HMCES: variants seen among roughly 807,000 people sequenced by gnomAD.
HMCES encodes 5-hydroxymethylcytosine binding, ES cell specific, also known as abasic site processing protein HMCES.
A neutral mutation model predicts 35.1 loss-of-function variants in HMCES; 27 were observed. That is an observed-to-expected ratio of 0.77 (90% CI 0.57 to 1.06). The LOEUF (loss-of-function observed/expected upper bound fraction) is 1.06. Among genes scored for constraint, HMCES ranks in the 50% least tolerant of loss-of-function variants. The pLI is 0.00. For missense variants in HMCES, 391 were observed against 430.4 expected, an observed-to-expected ratio of 0.91 and a Z score of 0.81; for synonymous variants, 130 against 154.7, an observed-to-expected ratio of 0.84 and a Z score of 1.18.
intron 2 of HMCES, among the ~76,000 whole-genome samples, chr3:129,286,078 T>A (rs1423337637): frequency 6.6e-6 from 1 of 152,214 alleles, no homozygotes. Context: ...ACCTTGATCT[T>A]TCCTCTATAC....
In HMCES at chr3:129,305,958, C is replaced by G. The variant is rs935606372; in HGVS notation, c.*1133C>G. On this transcript the variant is annotated 3_prime_UTR_variant, in exon 7 of 7. Transcript: ENST00000383463. ...CTTTCCCGAGGTCCGCCCTCTCCGC[C>G]TTTTCTCTAAATTCCTCTTTTGAGT... 2 of 152,338 alleles carry G rather than the reference C, an allele frequency of 1.3e-5. No individual in the cohort carries two copies. Among genetic ancestry groups the G allele is most frequent in the African/African-American group, 2.4e-5 (1 of 41,480 alleles). 9.4% of individuals were successfully genotyped at this position (152,338 alleles called of 1,614,324 possible). A position where few individuals can be genotyped will look rare whatever the true frequency, so the allele number is the denominator to read the frequency against.
Position 129,302,242 on chromosome 3 carries a change from T to C in HMCES, c.828+100T>C. The C allele has an allele frequency of 2.9e-6, 3 of 1,052,070 alleles. No individual in the cohort carries two copies. In the South Asian group the frequency reaches 4.8e-5, roughly 17 times the overall value. 65.2% of individuals were successfully genotyped at this position (1,052,070 alleles called of 1,614,324 possible). On this transcript the variant is annotated intron_variant, in intron 6 of 6. Coordinates refer to ENST00000383463, the MANE Select transcript of HMCES (RefSeq NM_020187.3). ...GGCCTTTTATGATCAGCCCTTTAATTTGGACCATCAAAAGCTCTCATACTC... is the reference window on the plus strand; with the variant it reads ...GGCCTTTTATGATCAGCCCTTTAATCTGGACCATCAAAAGCTCTCATACTC...
At chr3:129,285,773 G>A (rs1481757373) in intron 2 of HMCES, among the ~76,000 whole-genome samples, 3 of 146,142 alleles carry the variant, frequency 2.1e-5, no homozygotes, top group Non-Finnish European at 4.5e-5. Flanking sequence ...TTCCATCAGA[G>A]TCATAGAGTG....
chr3:129,301,935 A>G lies in HMCES; in HGVS notation c.636-15A>G, dbSNP rs6765930. 0.79 allele frequency: 1,263,348 copies of G among 1,601,756 alleles called. 499,530 individuals carry two copies. Among genetic ancestry groups the G allele is most frequent in the African/African-American group, 0.9 (67,412 of 74,598 alleles). ...TGCTACCTCTCCCAACCATTGTCTTAACTTCCCTGGCCAGGATGCCTGCCA... is the reference window on the plus strand; with the variant it reads ...TGCTACCTCTCCCAACCATTGTCTTGACTTCCCTGGCCAGGATGCCTGCCA... On this transcript the variant is annotated splice_polypyrimidine_tract_variant and intron_variant, in intron 5 of 6. Coordinates refer to ENST00000383463, the MANE Select transcript of HMCES (RefSeq NM_020187.3).
At chr3:129,300,113 C>T (rs2071144340) in intron 5 of HMCES, among the ~76,000 whole-genome samples, 1 of 150,654 alleles carries the variant, frequency 6.6e-6, no homozygotes, top group Admixed American at 6.6e-5. Flanking sequence ...GCATTGCCTA[C>T]CATGTTTTGA....
chr3:129,285,446 A>C (rs1369264924), intron 2 of HMCES, among the ~76,000 whole-genome samples: 2 of 151,872 alleles, frequency 1.3e-5, no homozygotes, highest in East Asian at 3.9e-4. Flanking sequence ...CATAAGTAGC[A>C]GAGAAAGGAT....
chr3:129,305,017 G>T lies in HMCES; in HGVS notation c.*192G>T. 1.7e-6 allele frequency: 1 copy of T among 594,340 alleles called. No homozygotes were observed. Among genetic ancestry groups the T allele is most frequent in the Non-Finnish European group, 3.0e-6 (1 of 335,554 alleles). The allele number at this position is 594,340 out of a possible 1,614,324, so 36.8% of individuals were successfully genotyped here. ...GGGCTGGTGGACAGCTTTGGAAGAG[G>T]TGTCCTGCTGCTGTTACCAGCCATG... On this transcript the variant is annotated 3_prime_UTR_variant, in exon 7 of 7. Coordinates refer to ENST00000383463, the MANE Select transcript of HMCES (RefSeq NM_020187.3).
At chr3:129,303,451 C>A (rs1425106089) in intron 6 of HMCES, among the ~76,000 whole-genome samples, 1 of 152,164 alleles carries the variant, frequency 6.6e-6, no homozygotes, top group African/African-American at 2.4e-5. Flanking sequence ...AATTAGATAA[C>A]TCTAAAACTA....
chr3:129,278,978 G>C (rs1940367559), intron 1 of HMCES, 73 bp downstream of exon 1: 3 of 152,004 alleles, frequency 2.0e-5, no homozygotes, highest in Admixed American at 2.0e-4. Context: ...AGCGACGCGA[G>C]CTGACAGAGG....
chr3:129,285,517 A>T (rs888979005), intron 2 of HMCES, among the ~76,000 whole-genome samples: 19 of 151,790 alleles, frequency 1.3e-4, no homozygotes, highest in African/African-American at 4.6e-4. Flanking sequence ...AGTGGCACAA[A>T]CTCGGCTCAC....
At chr3:129,284,700 G>T (rs1053218107) in intron 2 of HMCES, among the ~76,000 whole-genome samples, 14 of 152,182 alleles carry the variant, frequency 9.2e-5, no homozygotes, top group African/African-American at 3.4e-4. Flanking sequence ...ATCACTTGAG[G>T]TCAGGAGTTC....
intron 2 of HMCES, among the ~76,000 whole-genome samples, chr3:129,288,082 C>T (rs968666371): frequency 4.7e-5 from 7 of 149,986 alleles, no homozygotes; most frequent in East Asian, 2.0e-4. Context: ...TAAAAAAATT[C>T]GAGACCTGCC....
intron 4 of HMCES, among the ~76,000 whole-genome samples, chr3:129,292,500 T>C (rs1263879017): frequency 1.3e-5 from 2 of 149,084 alleles, no homozygotes; most frequent in East Asian, 2.0e-4. Flanking sequence ...TTTTCTTCTT[T>C]TTTTTTTTTT....
chr3:129,302,137 A>G lies in HMCES; in HGVS notation c.823A>G (p.Lys275Glu). ...TCTGGCTCCTGTCGACTTGGTGGTC[A>G]AAAAGGTAGGGGCCTGTGACTGGTA... ...ECLAPVDLVVKKELRASGSSQ... is the reference protein window; with the variant it reads ...ECLAPVDLVVEKELRASGSSQ... The change falls in exon 6 of 7, where the codon AAA (lysine) becomes GAA (glutamate). Residue 275 changes from lysine to glutamate, a missense_variant. Coordinates refer to ENST00000383463, the MANE Select transcript of HMCES (RefSeq NM_020187.3). 1 of 1,611,018 alleles carries G rather than the reference A, an allele frequency of 6.2e-7. No individual in the cohort carries two copies.
intron 6 of HMCES, among the ~76,000 whole-genome samples, chr3:129,303,021 C>T (rs1409103926): frequency 1.3e-5 from 2 of 152,176 alleles, no homozygotes; most frequent in Admixed American, 6.5e-5. Flanking sequence ...TTCCGAACTA[C>T]AAGTTGCAGG....
chr3:129,286,381 T>C (rs1283073528), intron 2 of HMCES, among the ~76,000 whole-genome samples: 1 of 152,204 alleles, frequency 6.6e-6, no homozygotes, highest in Non-Finnish European at 1.5e-5. Flanking sequence ...ACACCAAATC[T>C]GCTGGCACCT....
At position 129,305,588 on chromosome 3, in the gene HMCES, T is replaced by A. The variant is rs773151176; in HGVS notation, c.*763T>A. 6.6e-6 allele frequency: 1 copy of A among 152,202 alleles called. No individual in the cohort carries two copies. Among genetic ancestry groups the A allele is most frequent in the Non-Finnish European group, 1.5e-5 (1 of 68,050 alleles). 9.4% of individuals were successfully genotyped at this position (152,202 alleles called of 1,614,324 possible). On this transcript the variant is annotated 3_prime_UTR_variant, in exon 7 of 7. Coordinates refer to ENST00000383463, the MANE Select transcript of HMCES (RefSeq NM_020187.3). Reference sequence around the variant, plus strand: ...GAAGGAAAGGACCAGTTTCTAGCAGTGTCGGGCCACTCCTCTTTCGAACAT... The same window carrying A: ...GAAGGAAAGGACCAGTTTCTAGCAGAGTCGGGCCACTCCTCTTTCGAACAT...
rs2071176090 is a variant in HMCES, at chr3:129,302,101, A to G, written c.787A>G (p.Thr263Ala). Residue 263 changes from threonine (T) to alanine (A), a missense_variant, in exon 6 of 7, where the codon ACT becomes GCT. Coordinates refer to ENST00000383463, the MANE Select transcript of HMCES (RefSeq NM_020187.3). ...TGTGGTGAACAACTCGCGAAACAAC[A>G]CTCCTGAGTGTCTGGCTCCTGTCGA... ...SSVVNNSRNN[T>A]PECLAPVDLV... The G allele has an allele frequency of 8.7e-6, 14 of 1,612,706 alleles. No homozygotes were observed. The highest frequency in any genetic ancestry group is 1.7e-5 in the Admixed American group (1 of 59,858).
At chr3:129,289,045 T>C (rs779963116) in intron 3 of HMCES, 48 bp downstream of exon 3, 1 of 1,427,412 alleles carries the variant, frequency 7.0e-7, no homozygotes, top group South Asian at 1.6e-5. Context: ...AGAAATAAGG[T>C]TCCAAAGGGT....
Sources: gnomAD v4.1 joint callset for allele counts (sites outside exome capture counted in the v4.1 genomes callset) on GRCh38, gnomAD v4.1.1 for gene constraint, MANE v1.5 for transcripts, NCBI Gene and HGNC (gene_info 2026-07-23, HGNC 2026-07-21) for gene names.